Variants in UBXN4 observed in about 807,000 individuals in gnomAD.
UBXN4 encodes the protein UBX domain protein 4.
A neutral mutation model predicts 66.2 loss-of-function variants in UBXN4; 35 were observed. The observed-to-expected ratio is 0.53, with a 90% confidence interval of 0.40 to 0.70. The LOEUF (loss-of-function observed/expected upper bound fraction) is 0.70, where lower values mean the gene tolerates loss of function less well. Among genes scored for constraint, UBXN4 ranks in the 30% least tolerant of loss-of-function variants. UBXN4 has a pLI of 0.00. For missense variants in UBXN4, 533 were observed against 599.8 expected (o/e 0.89, Z 1.16); for synonymous variants, 203 against 204.5 (o/e 0.99, Z 0.06).
At chr2:135,752,476 C>A (rs2077249289) in intron 2 of UBXN4, among the ~76,000 whole-genome samples, 1 of 152,138 alleles carries the variant, frequency 6.6e-6, no homozygotes, top group Non-Finnish European at 1.5e-5. Flanking sequence ...ACAGTGCTGG[C>A]CTGCCTTTTT....
chr2:135,778,982 C>T lies in UBXN4; in HGVS notation c.1088C>T (p.Ala363Val). 6.2e-7 allele frequency: 1 copy of T among 1,612,554 alleles called. No homozygotes were observed. Among genetic ancestry groups the T allele is most frequent in the Non-Finnish European group, 8.5e-7 (1 of 1,179,466 alleles). The change falls in exon 11 of 13, where the codon GCA becomes GTA. Residue 363 changes from alanine (A) to valine (V), a missense_variant. By Grantham distance (64) the Ala-to-Val change is moderately conservative. Transcript: ENST00000272638. ...AACACTTACGGTAATTTTTCGTTAG[C>T]AACCATGTTTCCCAGGAGGGAATTT... is the stretch of plus-strand genomic sequence containing the variant. The part of the protein sequence containing the change: ...VGNTYGNFSL[A>V]TMFPRREFTK...
chr2:135,761,951 G>T, intron 6 of UBXN4, 40 bp downstream of exon 6: 1 of 1,566,980 alleles, frequency 6.4e-7, no homozygotes, highest in East Asian at 2.2e-5. Flanking sequence ...TGTTTAAAAA[G>T]ACAGTGGTTT....
intron 1 of UBXN4, chr2:135,747,511 C>T: frequency 2.4e-6 from 1 of 420,334 alleles, no homozygotes; most frequent in Non-Finnish European, 4.8e-6. Flanking sequence ...AAAGGCAAGT[C>T]TAAAATTGCA....
chr2:135,752,666 C>T (rs1371166349), intron 2 of UBXN4, among the ~76,000 whole-genome samples: 1 of 152,144 alleles, frequency 6.6e-6, no homozygotes. Flanking sequence ...TGGCAGATAC[C>T]AAATTAATTT....
intron 11 of UBXN4, among the ~76,000 whole-genome samples, chr2:135,779,781 ATAT>A (rs1228459960): frequency 2.0e-5 from 3 of 149,082 alleles, no homozygotes; most frequent in African/African-American, 7.3e-5. Context: ...ACAGCTCCAA[ATAT>A]TATAACATAA....
rs1449176726 is a variant in UBXN4, at chr2:135,780,296, GTT to G, written c.1301_1302del (p.Phe434Ter). The G allele has an allele frequency of 6.2e-7, 1 of 1,613,992 alleles. No homozygotes were observed. Among genetic ancestry groups the G allele is most frequent in the Non-Finnish European group, 8.5e-7 (1 of 1,180,018 alleles). ...AIWRLISNFL[F>X]SNPPPTQTSV... ...TCTGGAGATTAATTAGCAATTTCTTGTTTAGTAATCCGCCTCCCACACAGACT... is the reference window on the plus strand; with the variant it reads ...TCTGGAGATTAATTAGCAATTTCTTGTAGTAATCCGCCTCCCACACAGACT... On this transcript the variant is annotated frameshift_variant, in exon 12 of 13. Transcript: ENST00000272638. LOFTEE classifies it high-confidence loss of function.
At chr2:135,763,468 AT>A in intron 6 of UBXN4, among the ~76,000 whole-genome samples, 1 of 152,320 alleles carries the variant, frequency 6.6e-6, no homozygotes, top group Non-Finnish European at 1.5e-5. Context: ...AAATTCATGC[AT>A]TTTTCTCTGA....
chr2:135,748,476 T>TG, intron 2 of UBXN4, 107 bp downstream of exon 2: 2 of 813,160 alleles, frequency 2.5e-6, no homozygotes, highest in Non-Finnish European at 3.4e-6. Flanking sequence ...GGCTGGGCAC[T>TG]CCCAGCACTT....
chr2:135,755,449 G>T (rs1054487808), intron 4 of UBXN4, 68 bp from the exon 5 acceptor site: 8 of 1,235,630 alleles, frequency 6.5e-6, no homozygotes, highest in Non-Finnish European at 7.4e-6. Flanking sequence ...CCTGTATTTT[G>T]GTCTCTACTG....
intron 1 of UBXN4, among the ~76,000 whole-genome samples, chr2:135,745,273 C>G (rs545104451): frequency 6.6e-6 from 1 of 152,302 alleles, no homozygotes; most frequent in South Asian, 2.1e-4. Context: ...ATAGGCCTTT[C>G]CCTACACACG....
At chr2:135,761,776 A>G (rs1445021595) in intron 5 of UBXN4, 42 bp from the exon 6 acceptor site, 7 of 1,487,270 alleles carry the variant, frequency 4.7e-6, no homozygotes, top group Non-Finnish European at 6.4e-6. Context: ...AAAAAGTTGC[A>G]TTAAATGCAG....
rs1306984490 is a variant in UBXN4 at position 135,780,293 on chromosome 2, C to A, written c.1296C>A (p.Phe432Leu). The change falls in exon 12 of 13, where the codon TTC becomes TTA. Residue 432 changes from phenylalanine (F) to leucine (L), a missense_variant. Physicochemically the swap from Phe to Leu is conservative, Grantham distance 22. Around this residue, in one of 2 missense-constraint regions of UBXN4, gnomAD observed 529 missense variants for 580.1 expected, o/e 0.91. Transcript: ENST00000272638. The stretch of plus-strand genomic sequence containing the variant: ...CCATCTGGAGATTAATTAGCAATTT[C>A]TTGTTTAGTAATCCGCCTCCCACAC... ...FLAIWRLISN[F>L]LFSNPPPTQT... The A allele has an allele frequency of 6.8e-6, 11 of 1,614,040 alleles. No homozygotes were observed. The Admixed American group carries it at 1.8e-4, about 27-fold the overall frequency.
At position 135,754,239 on chromosome 2, in the gene UBXN4, G is replaced by T; in HGVS notation, c.295G>T (p.Ala99Ser). Reference sequence around the variant, plus strand: ...GGAAGTAATAGCAGGAAGTGTTTCTGCAGATGAACTTGTTACAAGAATTCA... The same window carrying T: ...GGAAGTAATAGCAGGAAGTGTTTCTTCAGATGAACTTGTTACAAGAATTCA... ...PLEVIAGSVS[A>S]DELVTRIHKV... is the part of the protein sequence containing the mutation. Residue 99 changes from alanine (A) to serine (S), a missense_variant, in exon 4 of 13, where the codon GCA becomes TCA. By Grantham distance (99) the Ala-to-Ser change is moderately conservative. Transcript: ENST00000272638. 6.2e-7 allele frequency: 1 copy of T among 1,614,116 alleles called. No homozygotes were observed. Among genetic ancestry groups the T allele is most frequent in the Non-Finnish European group, 8.5e-7 (1 of 1,179,970 alleles).
intron 9 of UBXN4, among the ~76,000 whole-genome samples, chr2:135,774,988 G>A (rs2077404590): frequency 6.6e-6 from 1 of 152,140 alleles, no homozygotes; most frequent in Non-Finnish European, 1.5e-5. Context: ...TATGTGGAAA[G>A]GATTTGAATA....
chr2:135,774,714 G>A (rs954508872), intron 9 of UBXN4, among the ~76,000 whole-genome samples: 1 of 152,142 alleles, frequency 6.6e-6, no homozygotes. Context: ...GCATGGTGGT[G>A]CACACCAGTA....
At chr2:135,776,120 A>C (rs2077412935) in intron 9 of UBXN4, 129 bp from the exon 10 acceptor site, 2 of 710,852 alleles carry the variant, frequency 2.8e-6, no homozygotes, top group Non-Finnish European at 2.3e-6. Flanking sequence ...ATTAACAAAC[A>C]AAAAGATCTG....
chr2:135,778,845 T>G, intron 10 of UBXN4, 103 bp from the exon 11 acceptor site: 2 of 1,283,336 alleles, frequency 1.6e-6, no homozygotes. Flanking sequence ...TGTAATGAAC[T>G]TTTAAAATTA....
At position 135,776,357 on chromosome 2, in the gene UBXN4, T is replaced by A. The variant is rs926307809; in HGVS notation, c.1053+6T>A. On this transcript the variant is annotated splice_donor_region_variant and intron_variant, in intron 10 of 12. Transcript: ENST00000272638. ...CAAGGCAGTTTGCTGCACAGGTAAA[T>A]TTATGTCTTGAGTTGTAGTAAAAAT... 21 of 1,606,618 alleles carry A rather than the reference T, an allele frequency of 1.3e-5. No individual in the cohort carries two copies. Among genetic ancestry groups the A allele is most frequent in the Non-Finnish European group, 1.5e-5 (18 of 1,175,660 alleles).
intron 10 of UBXN4, among the ~76,000 whole-genome samples, chr2:135,777,440 T>G (rs914374244): frequency 2.0e-5 from 3 of 152,226 alleles, no homozygotes; most frequent in Non-Finnish European, 2.9e-5. Flanking sequence ...TGTTTCCCCC[T>G]AAGCTTTATA....
Sources: allele counts gnomAD v4.1 joint callset (sites outside exome capture counted in the v4.1 genomes callset), GRCh38; gene constraint gnomAD v4.1.1; regional missense constraint gnomAD v4.1.1; transcripts MANE v1.5; gene names NCBI Gene and HGNC (gene_info 2026-07-23, HGNC 2026-07-21).